Variants in CAPN2 observed in about 807,000 individuals in gnomAD.
CAPN2 encodes the protein calpain 2, also known as calpain-2 catalytic subunit.
In CAPN2, 92 loss-of-function variants were observed where a neutral mutation model predicts 102.3. The ratio of observed to expected loss-of-function variants is 0.90; its 90% confidence interval spans 0.76 to 1.07. The LOEUF (loss-of-function observed/expected upper bound fraction) is 1.07, where lower values mean the gene tolerates loss of function less well. Ranked by LOEUF, CAPN2 falls within the 50% of genes least tolerant of loss-of-function variation. The probability of loss-of-function intolerance (pLI) is 0.00; values close to 1 mark genes in which losing one functional copy is unlikely to be tolerated. For missense variants in CAPN2, 800 were observed against 909.4 expected (o/e 0.88, Z 1.55); for synonymous variants, 340 against 355.4 (o/e 0.96, Z 0.49).
chr1:223,744,545 T>C (rs1660703992), intron 3 of CAPN2, among the ~76,000 whole-genome samples: 1 of 152,280 alleles, frequency 6.6e-6, no homozygotes, highest in South Asian at 2.1e-4. Context: ...CCTCCTTTTA[T>C]GCCGGTAAAT....
chr1:223,764,134 G>C lies in CAPN2; in HGVS notation c.1633-16G>C. ...CACGGGGGGCCAATAACTATGCTCT[G>C]GTTATGTGTCCACAGGATGCGGAGA... On this transcript the variant is annotated splice_polypyrimidine_tract_variant and intron_variant, in intron 14 of 20. Coordinates refer to ENST00000295006, the MANE Select transcript of CAPN2 (RefSeq NM_001748.5). 1 of 1,611,176 alleles carries C rather than the reference G, an allele frequency of 6.2e-7. No individual in the cohort carries two copies. The highest frequency in any genetic ancestry group is 1.7e-5 in the Admixed American group (1 of 60,004).
intron 2 of CAPN2, among the ~76,000 whole-genome samples, chr1:223,732,100 C>T (rs1660351312): frequency 6.6e-6 from 1 of 152,060 alleles, no homozygotes; most frequent in African/African-American, 2.4e-5. Context: ...GGTGTGTAAG[C>T]AGGTGTGGGG....
At chr1:223,764,084 T>C in intron 14 of CAPN2, 66 bp from the exon 15 acceptor site, 1 of 1,268,862 alleles carries the variant, frequency 7.9e-7, no homozygotes, top group Admixed American at 1.7e-5. Flanking sequence ...TGCACTGGTG[T>C]CCTGCCCTGT....
At chr1:223,732,029 A>T (rs990701218) in intron 2 of CAPN2, among the ~76,000 whole-genome samples, 21 of 152,184 alleles carry the variant, frequency 1.4e-4, no homozygotes, top group African/African-American at 4.8e-4. Flanking sequence ...TGCTCTAAAG[A>T]CACCTTCACC....
At position 223,745,455 on chromosome 1, in the gene CAPN2, C is replaced by G. The variant is rs954992105; in HGVS notation, c.560+16C>G. ...CATACGCCAAGTAAGTTGCCATCCT[C>G]CCCTGGCCCCATGGCCTTCCCCCAA... On this transcript the variant is annotated intron_variant, in intron 4 of 20. Coordinates refer to ENST00000295006, the MANE Select transcript of CAPN2 (RefSeq NM_001748.5). The G allele has an allele frequency of 1.9e-5, 31 of 1,613,908 alleles. No homozygotes were observed. Among genetic ancestry groups the G allele is most frequent in the Admixed American group, 1.5e-4 (9 of 60,010 alleles).
intron 2 of CAPN2, among the ~76,000 whole-genome samples, chr1:223,736,371 C>T (rs774600782): frequency 7.4e-4 from 113 of 152,164 alleles, no homozygotes; most frequent in Admixed American, 1.7e-3. Context: ...TGCCCAGAGA[C>T]AAAAAGATGT....
At chr1:223,773,904 C>T (rs1005807245) in intron 20 of CAPN2, among the ~76,000 whole-genome samples, 2 of 151,824 alleles carry the variant, frequency 1.3e-5, no homozygotes, top group African/African-American at 4.8e-5. Context: ...CATGGTGGTG[C>T]GTGCCTGTAG....
intron 3 of CAPN2, among the ~76,000 whole-genome samples, chr1:223,744,549 G>A (rs1054264133): frequency 1.3e-5 from 2 of 152,092 alleles, no homozygotes; most frequent in South Asian, 2.1e-4. Context: ...CTTTTATGCC[G>A]GTAAATGAGA....
chr1:223,746,771 C>T (rs866447969), intron 4 of CAPN2, among the ~76,000 whole-genome samples: 1 of 152,058 alleles, frequency 6.6e-6, no homozygotes, highest in African/African-American at 2.4e-5. Flanking sequence ...TGAGCTACCG[C>T]GCCCGGCCTG....
chr1:223,721,543 C>A (rs1660051309), intron 2 of CAPN2, among the ~76,000 whole-genome samples: 1 of 152,202 alleles, frequency 6.6e-6, no homozygotes, highest in Non-Finnish European at 1.5e-5. Flanking sequence ...AACAGCACAC[C>A]CCCATTTCAT....
chr1:223,737,820 A>G (rs1311577337), intron 2 of CAPN2, among the ~76,000 whole-genome samples: 2 of 150,292 alleles, frequency 1.3e-5, no homozygotes, highest in Admixed American at 1.3e-4. Context: ...GGGAGAGGGG[A>G]AAAAAAAAGG....
chr1:223,713,668 T>C (rs1026151781), intron 1 of CAPN2, among the ~76,000 whole-genome samples: 2 of 152,166 alleles, frequency 1.3e-5, no homozygotes, highest in Non-Finnish European at 2.9e-5. Flanking sequence ...CTACCACGCC[T>C]AGGAAAGCCT....
chr1:223,759,934 T>C lies in CAPN2; in HGVS notation c.1529+453T>C, dbSNP rs926936561. 6.6e-6 allele frequency among the ~76,000 whole-genome samples: 1 copy of C among 152,040 alleles called. No homozygotes were observed. The highest frequency in any genetic ancestry group is 1.5e-5 in the Non-Finnish European group (1 of 68,002). On this transcript the variant is annotated intron_variant, in intron 12 of 20. Coordinates refer to ENST00000295006, the MANE Select transcript of CAPN2 (RefSeq NM_001748.5). This position sits in a 1 kb window ranked among gnomAD's most constrained non-coding sequence, Gnocchi z 4.6. ...CCACCTCCAGAACCTCTCCCTATTA[T>C]AGTTGTCATGTCACCAGCTCTCTCT...
At position 223,751,979 on chromosome 1, in the gene CAPN2, C is replaced by T. The variant is rs768936558; in HGVS notation, c.900-18C>T. 6.3e-7 allele frequency: 1 copy of T among 1,575,494 alleles called. No individual in the cohort carries two copies. The highest frequency in any genetic ancestry group is 1.1e-5 in the South Asian group (1 of 88,094). On this transcript the variant is annotated intron_variant, in intron 7 of 20. Coordinates refer to ENST00000295006, the MANE Select transcript of CAPN2 (RefSeq NM_001748.5). ...AATCATCGTACACTAACGCCTCTCTCTTTACTTTGTTTTCCAGCTGCCCAA... is the reference window on the plus strand; with the variant it reads ...AATCATCGTACACTAACGCCTCTCTTTTTACTTTGTTTTCCAGCTGCCCAA...
At chr1:223,735,359 C>T (rs563576007) in intron 2 of CAPN2, among the ~76,000 whole-genome samples, 1 of 152,078 alleles carries the variant, frequency 6.6e-6, no homozygotes, top group East Asian at 1.9e-4. Flanking sequence ...GAAACCCCAT[C>T]TCTACTAAAA....
intron 11 of CAPN2, 51 bp downstream of exon 11, chr1:223,757,431 G>T (rs770057049): frequency 5.0e-6 from 8 of 1,607,966 alleles, no homozygotes; most frequent in Middle Eastern, 1.7e-4. Flanking sequence ...AAAGCGAGAG[G>T]CTTAGACTGC....
In CAPN2 at chr1:223,742,454, T is replaced by C. The variant is rs1660640358; in HGVS notation, c.308-1646T>C. ...ATAACATATATATATGTTACTGATA[T>C]ATATAACAATATTACATATATTACA... On this transcript the variant is annotated intron_variant, in intron 2 of 20. Transcript: ENST00000295006. 2.0e-5 allele frequency among the ~76,000 whole-genome samples: 3 copies of C among 149,492 alleles called. No individual in the cohort carries two copies. In the South Asian group the frequency reaches 6.3e-4, roughly 31 times the overall value.
At chr1:223,715,480 AG>A (rs1474792228) in intron 1 of CAPN2, among the ~76,000 whole-genome samples, 1 of 152,098 alleles carries the variant, frequency 6.6e-6, no homozygotes, top group Non-Finnish European at 1.5e-5. Flanking sequence ...TGAGGAAGTG[AG>A]AATACGGGTT....
At chr1:223,721,674 C>T (rs1422209102) in intron 2 of CAPN2, among the ~76,000 whole-genome samples, 3 of 152,212 alleles carry the variant, frequency 2.0e-5, no homozygotes, top group Admixed American at 6.5e-5. Flanking sequence ...GTGCCCCACC[C>T]CACAGCCTAG....
Sources: gnomAD v4.1 joint callset for allele counts (sites outside exome capture counted in the v4.1 genomes callset) on GRCh38, gnomAD v4.1.1 for gene constraint, Gnocchi (gnomAD v3.1) non-coding constraint, MANE v1.5 for transcripts, NCBI Gene and HGNC (gene_info 2026-07-23, HGNC 2026-07-21) for gene names.